Variants in KIF15 observed in about 807,000 individuals in gnomAD.
KIF15 encodes the protein kinesin-like protein KIF15.
Under a neutral mutation model 190.6 loss-of-function variants are expected in KIF15, and 140 were observed. The observed-to-expected ratio is 0.73, with a 90% confidence interval of 0.64 to 0.84. KIF15 has a LOEUF of 0.84. Ranked by LOEUF, KIF15 falls within the 40% of genes least tolerant of loss-of-function variation. The probability of loss-of-function intolerance (pLI) is 0.00; values close to 1 mark genes in which losing one functional copy is unlikely to be tolerated. For missense variants in KIF15, 1,372 were observed against 1,584.4 expected (o/e 0.87, Z 2.28); for synonymous variants, 528 against 551.3 (o/e 0.96, Z 0.59).
intron 26 of KIF15, among the ~76,000 whole-genome samples, chr3:44,833,110 C>A (rs147199887): frequency 6.6e-6 from 1 of 151,492 alleles, no homozygotes; most frequent in South Asian, 2.1e-4. Context: ...GCACAGGCTA[C>A]GGAGTTGGAA....
chr3:44,816,429 C>T (rs1708035652), intron 20 of KIF15, among the ~76,000 whole-genome samples: 1 of 150,822 alleles, frequency 6.6e-6, no homozygotes, highest in South Asian at 2.1e-4. Flanking sequence ...TGTGATGTTC[C>T]CCGCCCTGTG....
chr3:44,806,307 G>A (rs1399328612), intron 16 of KIF15, among the ~76,000 whole-genome samples: 1 of 152,148 alleles, frequency 6.6e-6, no homozygotes, highest in Non-Finnish European at 1.5e-5. Flanking sequence ...CAGAGTTTTA[G>A]AGTACTAAAT....
At chr3:44,830,328 T>A (rs1053966438) in intron 25 of KIF15, among the ~76,000 whole-genome samples, 6 of 152,156 alleles carry the variant, frequency 3.9e-5, no homozygotes, top group African/African-American at 1.4e-4. Flanking sequence ...GGGACAATGT[T>A]CTCTGTGCAC....
intron 6 of KIF15, among the ~76,000 whole-genome samples, chr3:44,861,116 C>T (rs1318671529): frequency 1.3e-5 from 2 of 152,160 alleles, no homozygotes; most frequent in Non-Finnish European, 1.5e-5. Flanking sequence ...CTCGGCCTCC[C>T]GAGTAGCTGG....
intron 6 of KIF15, among the ~76,000 whole-genome samples, chr3:44,860,837 C>T (rs1699234070): frequency 6.6e-6 from 1 of 151,692 alleles, no homozygotes; most frequent in African/African-American, 2.4e-5. Context: ...TATACATATT[C>T]TATAATTTTT....
At chr3:44,774,589 C>A in intron 2 of KIF15, 152 bp downstream of exon 2, 1 of 639,708 alleles carries the variant, frequency 1.6e-6, no homozygotes, top group Non-Finnish European at 2.7e-6. Context: ...ATTACCTCTG[C>A]CCTCTCACTT....
rs1697941045 is a variant in KIF15 at position 44,829,658 on chromosome 3, T to TTATATATGTATA, written c.2944-310_2944-309insATATGTATATAT. On this transcript the variant is annotated intron_variant, in intron 24 of 34. Coordinates refer to ENST00000326047, the MANE Select transcript of KIF15 (RefSeq NM_020242.3). The stretch of plus-strand genomic sequence containing the variant: ...TATGTATATATTATATATGTATATA[T>TTATATATGTATA]TATGTATATATAATATATGTATATA... Among the ~76,000 whole-genome samples, 8 of 113,562 alleles carry TTATATATGTATA rather than the reference T, an allele frequency of 7.0e-5. 1 individual carries two copies. The highest frequency in any genetic ancestry group is 2.5e-4 in the African/African-American group (7 of 27,882). The allele number at this position is 113,562 out of a possible 152,430, so 74.5% of individuals were successfully genotyped here.
intron 10 of KIF15, among the ~76,000 whole-genome samples, chr3:44,799,510 C>T (rs779896673): frequency 2.4e-4 from 37 of 152,010 alleles, no homozygotes; most frequent in African/African-American, 8.9e-4. Flanking sequence ...CTCGTTATCA[C>T]CCTTTAGGCT....
At position 44,814,463 on chromosome 3, in the gene KIF15, CCA is replaced by C. The variant is rs1437040577; in HGVS notation, c.2384-445_2384-444del. Reference sequence around the variant, plus strand: ...TAGATGGGACCACAGGTGCTCACCACCACAGCCAGCTAATTTTTTGTATTTTT... The same window carrying C: ...TAGATGGGACCACAGGTGCTCACCACCAGCCAGCTAATTTTTTGTATTTTT... On this transcript the variant is annotated intron_variant, in intron 19 of 34. Coordinates refer to ENST00000326047, the MANE Select transcript of KIF15 (RefSeq NM_020242.3). 2.0e-5 allele frequency among the ~76,000 whole-genome samples: 3 copies of C among 152,274 alleles called. No homozygotes were observed. In the East Asian group the frequency reaches 5.8e-4, roughly 29 times the overall value.
chr3:44,852,484 G>A lies in KIF15; in HGVS notation c.4104+145G>A, dbSNP rs112025229. Reference sequence around the variant, plus strand: ...ATTAAAAAAAAAAAAAAAGTTGGTCGTTGCTATTCTGAGCCTAATTCAATC... The same window carrying A: ...ATTAAAAAAAAAAAAAAAGTTGGTCATTGCTATTCTGAGCCTAATTCAATC... On this transcript the variant is annotated intron_variant, in intron 34 of 34. Transcript: ENST00000326047. 2,488 of 894,410 alleles carry A rather than the reference G, an allele frequency of 2.8e-3. 37 individuals carry two copies. The African/African-American group carries it at 0.036, about 13-fold the overall frequency. 55.4% of individuals were successfully genotyped at this position (894,410 alleles called of 1,614,324 possible). A position where few individuals can be genotyped will look rare whatever the true frequency, so the allele number is the denominator to read the frequency against.
At chr3:44,846,627 A>C (rs1374458216) in intron 30 of KIF15, among the ~76,000 whole-genome samples, 2 of 152,024 alleles carry the variant, frequency 1.3e-5, no homozygotes, top group Non-Finnish European at 2.9e-5. Flanking sequence ...ACAAAAAATG[A>C]GTCAGGAGTG....
In KIF15 at chr3:44,852,766, T is replaced by C. The variant is rs764452959; in HGVS notation, c.*31T>C. On this transcript the variant is annotated 3_prime_UTR_variant, in exon 35 of 35. Transcript: ENST00000326047. ...CCGGTCAGCTACCTAGGCATCACCTTGTTTGAAGATGTTTCTTCTCTTTTA... is the reference window on the plus strand; with the variant it reads ...CCGGTCAGCTACCTAGGCATCACCTCGTTTGAAGATGTTTCTTCTCTTTTA... The C allele has an allele frequency of 1.3e-6, 2 of 1,535,992 alleles. No individual in the cohort carries two copies. Among genetic ancestry groups the C allele is most frequent in the East Asian group, 4.6e-5 (2 of 43,632 alleles).
intron 4 of KIF15, among the ~76,000 whole-genome samples, chr3:44,779,101 AC>A (rs1203954297): frequency 4.0e-5 from 6 of 151,762 alleles, no homozygotes; most frequent in Non-Finnish European, 5.9e-5. Context: ...ATAATCCAGT[AC>A]TAAAAATTAT....
intron 1 of KIF15, among the ~76,000 whole-genome samples, chr3:44,762,600 GGGAT>G (rs1705199817): frequency 6.6e-6 from 1 of 152,142 alleles, no homozygotes; most frequent in Non-Finnish European, 1.5e-5. Context: ...CTGATTTAAT[GGGAT>G]CTTTGTGAGT....
intron 8 of KIF15, among the ~76,000 whole-genome samples, chr3:44,794,797 T>TA (rs1359376992): frequency 1.3e-5 from 2 of 151,978 alleles, no homozygotes; most frequent in East Asian, 3.9e-4. Context: ...CCGTCTCTAC[T>TA]AAAAAAATAC....
At chr3:44,865,164 C>G in intron 6 of KIF15, 1 of 1,614,194 alleles carries the variant, frequency 6.2e-7, no homozygotes, top group Non-Finnish European at 8.5e-7. Context: ...AAGCCCCTTC[C>G]ACACAAGCAG....
intron 20 of KIF15, 112 bp from the exon 21 acceptor site, chr3:44,825,927 T>C: frequency 1.1e-6 from 1 of 920,094 alleles, no homozygotes; most frequent in Non-Finnish European, 1.6e-6. Context: ...ACTCGAGGCT[T>C]ATGTGAGTTG....
intron 4 of KIF15, among the ~76,000 whole-genome samples, chr3:44,779,120 G>A (rs2125909129): frequency 6.6e-6 from 1 of 150,564 alleles, no homozygotes; most frequent in East Asian, 2.0e-4. Context: ...TATTTACCTT[G>A]TTGTTCTTGT....
intron 7 of KIF15, among the ~76,000 whole-genome samples, chr3:44,793,882 CT>C (rs557589917): frequency 4.2e-3 from 557 of 132,274 alleles, no homozygotes; most frequent in Middle Eastern, 7.8e-3. Flanking sequence ...TTCTCTTTTC[CT>C]TTTTTTTTTT....
Sources: allele counts gnomAD v4.1 joint callset (sites outside exome capture counted in the v4.1 genomes callset), GRCh38; gene constraint gnomAD v4.1.1; transcripts MANE v1.5; gene names NCBI Gene and HGNC (gene_info 2026-07-23, HGNC 2026-07-21).